DTNA: variants seen among roughly 807,000 people sequenced by gnomAD.
DTNA encodes the protein dystrobrevin alpha.
A neutral mutation model predicts 100.7 loss-of-function variants in DTNA; 43 were observed. The observed-to-expected ratio is 0.43, with a 90% CI of 0.33 to 0.55. The LOEUF is 0.55. Ranked by LOEUF, DTNA falls within the 20% of genes least tolerant of loss-of-function variation. DTNA has a pLI of 0.04. For synonymous variants in DTNA, 349 were observed against 347.9 expected, an observed-to-expected ratio of 1.00 and a Z score of -0.04; for missense variants, 798 against 953.9, an observed-to-expected ratio of 0.84 and a Z score of 2.15.
intron 1 of DTNA, among the ~76,000 whole-genome samples, chr18:34,674,963 G>A (rs1439320137): frequency 1.3e-5 from 2 of 152,144 alleles, no homozygotes; most frequent in African/African-American, 4.8e-5. Flanking sequence ...GGGCAGGAAG[G>A]AATTCACGTG....
chr18:34,793,905 C>T, intron 3 of DTNA, 132 bp from the exon 4 acceptor site: 1 of 876,692 alleles, frequency 1.1e-6, no homozygotes, highest in Non-Finnish European at 1.9e-6. Context: ...TGTTCATTTA[C>T]TTATGTTGAC....
chr18:34,736,056 C>A (rs1217643686), intron 1 of DTNA, among the ~76,000 whole-genome samples: 2 of 152,152 alleles, frequency 1.3e-5, no homozygotes, highest in Non-Finnish European at 2.9e-5. Context: ...TAAAATATAC[C>A]TAGAGGACGT....
At chr18:34,835,669 C>G (rs1237744983) in intron 11 of DTNA, among the ~76,000 whole-genome samples, 1 of 152,230 alleles carries the variant, frequency 6.6e-6, no homozygotes, top group African/African-American at 2.4e-5. Context: ...TAGGGCTCCT[C>G]CATGCTTGGG....
chr18:34,760,235 A>T (rs1167455824), intron 2 of DTNA, among the ~76,000 whole-genome samples: 1 of 152,050 alleles, frequency 6.6e-6, no homozygotes, highest in Non-Finnish European at 1.5e-5. Context: ...AACACCATGG[A>T]TCGCCACCCC....
chr18:34,692,635 T>A (rs2079938475), intron 1 of DTNA, among the ~76,000 whole-genome samples: 1 of 152,228 alleles, frequency 6.6e-6, no homozygotes, highest in Non-Finnish European at 1.5e-5. Context: ...AATAAGTTTA[T>A]GTTTAGGTTG....
intron 1 of DTNA, among the ~76,000 whole-genome samples, chr18:34,518,742 T>TGTGA (rs2041900370): frequency 1.4e-5 from 2 of 146,384 alleles, no homozygotes; most frequent in Admixed American, 6.8e-5. Context: ...TGTGTGTGTG[T>TGTGA]GTGAAGCTAC....
At chr18:34,529,919 G>A (rs1395846962) in intron 1 of DTNA, among the ~76,000 whole-genome samples, 1 of 152,076 alleles carries the variant, frequency 6.6e-6, no homozygotes, top group Non-Finnish European at 1.5e-5. Flanking sequence ...CAAAGTTTTA[G>A]TAGTTAAGAA....
chr18:34,792,787 C>A (rs1487817793), intron 3 of DTNA, among the ~76,000 whole-genome samples: 1 of 152,138 alleles, frequency 6.6e-6, no homozygotes, highest in Non-Finnish European at 1.5e-5. Flanking sequence ...TACTGTGAAA[C>A]CCAGCCTTTT....
chr18:34,609,984 G>A (rs1048784360), intron 1 of DTNA, among the ~76,000 whole-genome samples: 3 of 151,936 alleles, frequency 2.0e-5, no homozygotes, highest in African/African-American at 7.3e-5. Context: ...AGAGCTTAGC[G>A]ATATCCTCTT....
At chr18:34,753,381 TTATTTTTTA>T (rs1241506711) in intron 1 of DTNA, among the ~76,000 whole-genome samples, 18 of 2,908 alleles carry the variant, frequency 6.2e-3, no homozygotes, top group African/African-American at 8.8e-3. Context: ...TTTTTTTTTT[TTATTTTTTA>T]TTTTTTTTTT....
At chr18:34,882,918 A>G (rs2096887314) in intron 21 of DTNA, among the ~76,000 whole-genome samples, 1 of 152,174 alleles carries the variant, frequency 6.6e-6, no homozygotes. Context: ...ACCTCATGCC[A>G]AGTGTAAGTA....
chr18:34,787,890 C>G (rs1013866272), intron 3 of DTNA, among the ~76,000 whole-genome samples: 1 of 152,138 alleles, frequency 6.6e-6, no homozygotes, highest in African/African-American at 2.4e-5. Flanking sequence ...ACACTATTAT[C>G]GTTACTTTTA....
chr18:34,735,772 T>C (rs973824589), intron 1 of DTNA, among the ~76,000 whole-genome samples: 1 of 152,172 alleles, frequency 6.6e-6, no homozygotes, highest in African/African-American at 2.4e-5. Flanking sequence ...TTGCTACACC[T>C]ATCAACTCAT....
Position 34,639,338 on chromosome 18 carries a change from T to TCC in DTNA, c.-1-116635_-1-116634dup, listed in dbSNP as rs201952587. ...TCTCCAGTTGTGACAACCAAAACTG[T>TCC]CCCCAGACATTGCCAAGTGTCCTCT... is the stretch of plus-strand genomic sequence containing the variant. On this transcript the variant is annotated intron_variant, in intron 1 of 19. Coordinates refer to the DTNA transcript ENST00000283365. 1.1e-3 allele frequency among the ~76,000 whole-genome samples: 170 copies of TCC among 152,260 alleles called. 5 individuals carry two copies. The East Asian group carries it at 0.025, about 22-fold the overall frequency.
At chr18:34,851,276 A>G (rs1309527414) in intron 14 of DTNA, among the ~76,000 whole-genome samples, 1 of 151,884 alleles carries the variant, frequency 6.6e-6, no homozygotes, top group Non-Finnish European at 1.5e-5. Context: ...TAATTTTTGA[A>G]TTTTTAGTAG....
intron 1 of DTNA, among the ~76,000 whole-genome samples, chr18:34,638,257 G>A (rs1015901034): frequency 2.6e-5 from 4 of 152,070 alleles, no homozygotes; most frequent in Non-Finnish European, 5.9e-5. Context: ...GTCACTAATG[G>A]TTAATATTTA....
intron 1 of DTNA, among the ~76,000 whole-genome samples, chr18:34,604,381 A>G (rs1347242483): frequency 6.6e-6 from 1 of 151,978 alleles, no homozygotes; most frequent in African/African-American, 2.4e-5. Context: ...CTTAGCACAC[A>G]TTTTTTTTCC....
chr18:34,734,630 G>A (rs925880611), intron 1 of DTNA, among the ~76,000 whole-genome samples: 2 of 152,126 alleles, frequency 1.3e-5, no homozygotes, highest in African/African-American at 2.4e-5. Flanking sequence ...GTCTGCTTCT[G>A]AAGCTGGGAG....
intron 14 of DTNA, 23 bp from the exon 15 acceptor site, chr18:34,851,808 C>T: frequency 6.2e-7 from 1 of 1,611,196 alleles, no homozygotes; most frequent in Non-Finnish European, 8.5e-7. Context: ...AATATGAAAT[C>T]TTATAAACTA....
Sources: allele counts gnomAD v4.1 joint callset (sites outside exome capture counted in the v4.1 genomes callset), GRCh38; gene constraint gnomAD v4.1.1; transcripts MANE v1.5; gene names NCBI Gene and HGNC (gene_info 2026-07-23, HGNC 2026-07-21).